The following SPAG17 variants were observed in gnomAD, a reference collection of about 807,000 sequenced individuals.
SPAG17 encodes the protein sperm-associated antigen 17.
Under a neutral mutation model 273.6 loss-of-function variants are expected in SPAG17, and 169 were observed. The observed-to-expected ratio is 0.62, with a 90% confidence interval of 0.55 to 0.70. SPAG17 has a LOEUF of 0.70. Ranked by LOEUF, SPAG17 falls within the 30% of genes least tolerant of loss-of-function variation. The pLI, the probability that SPAG17 is intolerant of heterozygous loss-of-function variation, is 0.00. For missense variants in SPAG17, 2,557 were observed against 2,627.8 expected, an observed-to-expected ratio of 0.97 and a Z score of 0.59; for synonymous variants, 825 against 873.2, an observed-to-expected ratio of 0.94 and a Z score of 0.97.
intron 3 of SPAG17, among the ~76,000 whole-genome samples, chr1:118,146,997 C>T (rs889408905): frequency 6.6e-6 from 1 of 152,160 alleles, no homozygotes; most frequent in Non-Finnish European, 1.5e-5. Flanking sequence ...ATAATCTCAT[C>T]TTCCTTTGAA....
intron 1 of SPAG17, among the ~76,000 whole-genome samples, chr1:118,167,454 T>G (rs1386820167): frequency 6.6e-6 from 1 of 152,210 alleles, no homozygotes; most frequent in Non-Finnish European, 1.5e-5. Context: ...AATATTTACC[T>G]ATTTATGATA....
In SPAG17 at chr1:118,028,225, C is replaced by A. The variant is rs373002184; in HGVS notation, c.3730+49G>T. 87 of 1,567,464 alleles carry A rather than the reference C, an allele frequency of 5.6e-5. No individual in the cohort carries two copies. In the South Asian group the frequency reaches 5.9e-4, roughly 11 times the overall value. On this transcript the variant is annotated intron_variant, in intron 26 of 48. Coordinates refer to ENST00000336338, the MANE Select transcript of SPAG17 (RefSeq NM_206996.4). ...AAAATACACAATTTCCTGTTTTCTA[C>A]GTGACATTTTGCTCCCTGCTTCCCC...
intron 4 of SPAG17, among the ~76,000 whole-genome samples, chr1:118,105,183 G>C (rs1486847325): frequency 8.5e-5 from 13 of 152,122 alleles, no homozygotes; most frequent in Admixed American, 7.9e-4. Flanking sequence ...ATTTTTTCAA[G>C]TGAAGCATGA....
intron 1 of SPAG17, among the ~76,000 whole-genome samples, chr1:118,181,187 A>G (rs188110972): frequency 6.6e-6 from 1 of 152,224 alleles, no homozygotes; most frequent in East Asian, 1.9e-4. Flanking sequence ...AAAAAAATCA[A>G]CTAAACAAAG....
chr1:118,147,081 A>G (rs1570776566), intron 3 of SPAG17, among the ~76,000 whole-genome samples: 2 of 152,278 alleles, frequency 1.3e-5, no homozygotes, highest in Non-Finnish European at 2.9e-5. Flanking sequence ...CGCAGCAACT[A>G]TTATTGAATG....
rs1660649461 is a variant in SPAG17 at position 118,175,464 on chromosome 1, CA to C, written c.87+9606del. Among the ~76,000 whole-genome samples the C allele has an allele frequency of 2.1e-5, 3 of 145,556 alleles. No homozygotes were observed. In the East Asian group the frequency reaches 6.2e-4, roughly 30 times the overall value. ...GACAAGGAGATGATCCTAAAAGCAG[CA>C]AGAAAAAAAAGAAGCAAATAACATA... On this transcript the variant is annotated intron_variant, in intron 1 of 48. Transcript: ENST00000336338.
intron 23 of SPAG17, 123 bp downstream of exon 23, chr1:118,039,168 TA>T (rs2101916724): frequency 9.8e-7 from 1 of 1,023,696 alleles, no homozygotes; most frequent in Admixed American, 2.4e-5. Flanking sequence ...GCACTATTAA[TA>T]AGAGAGTGTA....
chr1:118,040,860 T>C lies in SPAG17; in HGVS notation c.3055-19A>G, dbSNP rs982052583. Reference sequence around the variant, plus strand: ...CGTGAAACTAGAAGAGAAAATATTATGCTTTGAGTGTGAAGCTGCAATAGA... The same window carrying C: ...CGTGAAACTAGAAGAGAAAATATTACGCTTTGAGTGTGAAGCTGCAATAGA... On this transcript the variant is annotated intron_variant, in intron 21 of 48. Coordinates refer to ENST00000336338, the MANE Select transcript of SPAG17 (RefSeq NM_206996.4). 32 of 1,467,004 alleles carry C rather than the reference T, an allele frequency of 2.2e-5. No homozygotes were observed. The highest frequency in any genetic ancestry group is 3.0e-5 in the Non-Finnish European group (31 of 1,045,532). The allele number at this position is 1,467,004 out of a possible 1,614,324, so 90.9% of individuals were successfully genotyped here. A position where few individuals can be genotyped will look rare whatever the true frequency, so the allele number is the denominator to read the frequency against.
chr1:118,093,399 T>C lies in SPAG17; in HGVS notation c.1012-82A>G, dbSNP rs1655511751. ...ATATATGGTATATATCTCTTAACAG[T>C]TATGCCCATCAACTTTATACAGGAA... On this transcript the variant is annotated intron_variant, in intron 7 of 48. Transcript: ENST00000336338. 4.4e-6 allele frequency: 6 copies of C among 1,357,764 alleles called. No individual in the cohort carries two copies. In the South Asian group the frequency reaches 8.9e-5, roughly 20 times the overall value. The allele number at this position is 1,357,764 out of a possible 1,614,324, so 84.1% of individuals were successfully genotyped here. A position where few individuals can be genotyped will look rare whatever the true frequency, so the allele number is the denominator to read the frequency against.
At chr1:118,019,234 AAAATGC>A (rs1452098276) in intron 28 of SPAG17, among the ~76,000 whole-genome samples, 1 of 152,126 alleles carries the variant, frequency 6.6e-6, no homozygotes, top group East Asian at 1.9e-4. Context: ...CACAGAATCT[AAAATGC>A]ATACTTTATG....
chr1:118,018,691 G>A (rs955527930), intron 28 of SPAG17, among the ~76,000 whole-genome samples: 110 of 151,316 alleles, frequency 7.3e-4, no homozygotes, highest in African/African-American at 2.5e-3. Flanking sequence ...AAAAATTGCT[G>A]AGCATGGTGG....
intron 31 of SPAG17, among the ~76,000 whole-genome samples, chr1:118,006,737 C>T (rs1658931960): frequency 6.6e-6 from 1 of 151,974 alleles, no homozygotes; most frequent in African/African-American, 2.4e-5. Context: ...TCAGCAATTT[C>T]TGAGGGTTCC....
At chr1:117,986,344 T>C (rs1005930308) in intron 40 of SPAG17, among the ~76,000 whole-genome samples, 7 of 152,158 alleles carry the variant, frequency 4.6e-5, no homozygotes, top group Non-Finnish European at 7.4e-5. Context: ...CCTTTTTTCA[T>C]TCCCATTTCT....
intron 3 of SPAG17, among the ~76,000 whole-genome samples, chr1:118,139,377 G>A (rs926923304): frequency 1.3e-5 from 2 of 152,006 alleles, no homozygotes; most frequent in Non-Finnish European, 2.9e-5. Flanking sequence ...TATAAGTTAC[G>A]ACAGCCCATT....
At position 117,994,395 on chromosome 1, in the gene SPAG17, A is replaced by G; in HGVS notation, c.5178+11T>C. ...CGCTAATAAAATGACTTTTTAGAAG[A>G]AATTATATACCTCAACTGAGGGAAA... On this transcript the variant is annotated intron_variant, in intron 35 of 48. Transcript: ENST00000336338. 1 of 1,609,198 alleles carries G rather than the reference A, an allele frequency of 6.2e-7. No individual in the cohort carries two copies. Among genetic ancestry groups the G allele is most frequent in the Non-Finnish European group, 8.5e-7 (1 of 1,177,718 alleles).
chr1:118,141,147 T>G (rs1459675262), intron 3 of SPAG17, among the ~76,000 whole-genome samples: 2 of 152,242 alleles, frequency 1.3e-5, no homozygotes, highest in Non-Finnish European at 2.9e-5. Context: ...TTTTGCTTAA[T>G]GTCCGTCTCC....
Position 118,016,060 on chromosome 1 carries a change from G to C in SPAG17, c.4192C>G (p.Pro1398Ala). The change falls in exon 29 of 49, where the codon CCT becomes GCT. Residue 1398 changes from proline to alanine, a missense_variant. Physicochemically the swap from Pro to Ala is conservative, Grantham distance 27. Transcript: ENST00000336338. ...TTGGTGCCGATCCGATTTCCTTCAGGTGTGGTTGTAAACCAGGTGCCTATG... is the reference window on the plus strand; with the variant it reads ...TTGGTGCCGATCCGATTTCCTTCAGCTGTGGTTGTAAACCAGGTGCCTATG... ...VHIGTWFTTTPEGNRIGTKGL... is the reference protein window; with the variant it reads ...VHIGTWFTTTAEGNRIGTKGL... The C allele has an allele frequency of 6.2e-7, 1 of 1,614,000 alleles. No individual in the cohort carries two copies. The highest frequency in any genetic ancestry group is 8.5e-7 in the Non-Finnish European group (1 of 1,179,958).
intron 48 of SPAG17, chr1:117,959,132 G>GT (rs1278339018): frequency 7.7e-7 from 1 of 1,301,670 alleles, no homozygotes; most frequent in Non-Finnish European, 1.1e-6. Context: ...GATAGTTTTT[G>GT]TTAGAATTAG....
In SPAG17 at chr1:118,158,660, C is replaced by G. The variant is rs1200599943; in HGVS notation, c.88-7291G>C. Among the ~76,000 whole-genome samples, 3 of 152,196 alleles carry G rather than the reference C, an allele frequency of 2.0e-5. No homozygotes were observed. In the East Asian group the frequency reaches 5.8e-4, roughly 29 times the overall value. On this transcript the variant is annotated intron_variant, in intron 1 of 48. Coordinates refer to ENST00000336338, the MANE Select transcript of SPAG17 (RefSeq NM_206996.4). Reference sequence around the variant, plus strand: ...GGCCTGCCGCTATATTCTGGCTTCACAGGGCTCATTACAGACCTTAGCAGA... The same window carrying G: ...GGCCTGCCGCTATATTCTGGCTTCAGAGGGCTCATTACAGACCTTAGCAGA...
Sources: gnomAD v4.1 joint callset for allele counts (sites outside exome capture counted in the v4.1 genomes callset) on GRCh38, gnomAD v4.1.1 for gene constraint, MANE v1.5 for transcripts, NCBI Gene and HGNC (gene_info 2026-07-23, HGNC 2026-07-21) for gene names.